RBPJ: variants seen among roughly 807,000 people sequenced by gnomAD.
The protein encoded by RBPJ is recombination signal binding protein for immunoglobulin kappa J region.
In RBPJ, 9 loss-of-function variants were observed where a neutral mutation model predicts 67.8. The observed-to-expected ratio is 0.13, with a 90% CI of 0.08 to 0.23. The LOEUF (loss-of-function observed/expected upper bound fraction) is 0.23, where lower values mean the gene tolerates loss of function less well. RBPJ is among the 10% of genes least tolerant of loss of function. The probability of loss-of-function intolerance (pLI) is 1.00; values close to 1 mark genes in which losing one functional copy is unlikely to be tolerated. For missense variants in RBPJ, 305 were observed against 595.6 expected, an observed-to-expected ratio of 0.51 and a Z score of 5.08; for synonymous variants, 198 against 203.3, an observed-to-expected ratio of 0.97 and a Z score of 0.22.
chr4:26,401,304 T>C (rs1267660590), intron 2 of RBPJ, among the ~76,000 whole-genome samples: 1 of 152,234 alleles, frequency 6.6e-6, no homozygotes, highest in Non-Finnish European at 1.5e-5. Context: ...CCCTAATCAC[T>C]AACGGTATGA....
At chr4:26,116,035 A>T in the RBPJ span, among the ~76,000 whole-genome samples, 1 of 152,242 alleles carries the variant, frequency 6.6e-6, no homozygotes, top group African/African-American at 2.4e-5. Flanking sequence ...AACCATACCA[A>T]AGTTAGCATT....
intron 1 of RBPJ, among the ~76,000 whole-genome samples, chr4:26,195,556 C>G (rs139627601): frequency 6.6e-6 from 1 of 152,152 alleles, no homozygotes; most frequent in East Asian, 1.9e-4. Context: ...AGGTCTATAT[C>G]GAACTTCGAA....
the RBPJ span, among the ~76,000 whole-genome samples, chr4:26,149,261 A>G: frequency 6.6e-6 from 1 of 152,222 alleles, no homozygotes; most frequent in African/African-American, 2.4e-5. Context: ...AATGTTGTGA[A>G]AAGTTTAGCA....
At chr4:26,217,956 G>A (rs2109186444) in intron 1 of RBPJ, among the ~76,000 whole-genome samples, 1 of 152,306 alleles carries the variant, frequency 6.6e-6, no homozygotes, top group South Asian at 2.1e-4. Flanking sequence ...GCGCTCAAAG[G>A]TTTTGGAAAG....
At chr4:26,244,277 G>A (rs1719791971) in intron 1 of RBPJ, among the ~76,000 whole-genome samples, 3 of 147,426 alleles carry the variant, frequency 2.0e-5, no homozygotes, top group Admixed American at 6.7e-5. Flanking sequence ...ACACATATAT[G>A]TGTGTATATG....
At chr4:26,419,556 A>C (rs1262261010) in intron 4 of RBPJ, among the ~76,000 whole-genome samples, 1 of 152,206 alleles carries the variant, frequency 6.6e-6, no homozygotes, top group Non-Finnish European at 1.5e-5. Context: ...TCTGCTTTTT[A>C]AAAGGAAGAT....
intron 1 of RBPJ, among the ~76,000 whole-genome samples, chr4:26,346,762 C>T (rs1290638761): frequency 1.3e-5 from 2 of 152,110 alleles, no homozygotes; most frequent in African/African-American, 2.4e-5. Flanking sequence ...AAGGCCGAGG[C>T]GGGTGGATCA....
intron 1 of RBPJ, among the ~76,000 whole-genome samples, chr4:26,246,067 A>C (rs1446281652): frequency 6.6e-6 from 1 of 152,160 alleles, no homozygotes; most frequent in Non-Finnish European, 1.5e-5. Context: ...TCCCACATGA[A>C]CTTTAGGATC....
At chr4:26,315,167 A>AATATATATAT (rs67496694), upstream of RBPJ, among the ~76,000 whole-genome samples, 15 of 74,738 alleles carry the variant, frequency 2.0e-4, no homozygotes, top group African/African-American at 7.4e-4. Flanking sequence ...AAAAAAAAAA[A>AATATATATAT]ATATATATAT....
chr4:26,111,350 C>T, the RBPJ span, among the ~76,000 whole-genome samples: 2 of 152,210 alleles, frequency 1.3e-5, no homozygotes, highest in Non-Finnish European at 2.9e-5. Context: ...ATGCTCCCTT[C>T]CCTATCTCTA....
At position 26,284,627 on chromosome 4, in the gene RBPJ, C is replaced by T. The variant is rs1308623582; in HGVS notation, c.-166-77819C>T. Among the ~76,000 whole-genome samples the T allele has an allele frequency of 5.3e-5, 8 of 152,080 alleles. No homozygotes were observed. In the South Asian group the frequency reaches 1.7e-3, roughly 32 times the overall value. ...GGGATCACAGGCATGTGCCACCACG[C>T]CTGGCTAATTTTTCTATTTTTGGTG... On this transcript the variant is annotated intron_variant, in intron 1 of 4. Transcript: ENST00000512351.
the RBPJ span, among the ~76,000 whole-genome samples, chr4:26,133,352 T>C: frequency 1.3e-5 from 2 of 152,174 alleles, no homozygotes; most frequent in Non-Finnish European, 1.5e-5. Context: ...GGCAGACAGA[T>C]TGCTTGAGCT....
At chr4:26,391,164 G>T (rs1355541318) in intron 2 of RBPJ, among the ~76,000 whole-genome samples, 1 of 152,078 alleles carries the variant, frequency 6.6e-6, no homozygotes, top group Non-Finnish European at 1.5e-5. Flanking sequence ...CAGTTGACAA[G>T]CTGTTTCTAA....
In RBPJ at chr4:26,431,630, T is replaced by C. The variant is rs1255914942; in HGVS notation, c.*623T>C. ...CTTTTTTCTTTTTTTTCAGCTGAAG[T>C]CTTATGACTTTTCATGAGTCAAAAT... On this transcript the variant is annotated 3_prime_UTR_variant, in exon 11 of 11. Transcript: ENST00000355476. 1 of 152,086 alleles carries C rather than the reference T, an allele frequency of 6.6e-6. No individual in the cohort carries two copies. Among genetic ancestry groups the C allele is most frequent in the East Asian group, 1.9e-4 (1 of 5,200 alleles). The allele number at this position is 152,086 out of a possible 1,614,324, so 9.4% of individuals were successfully genotyped here.
intron 1 of RBPJ, among the ~76,000 whole-genome samples, chr4:26,178,919 C>T (rs1716888610): frequency 1.3e-5 from 2 of 152,128 alleles, no homozygotes; most frequent in Admixed American, 6.6e-5. Context: ...TATAAGCCCA[C>T]GTTTTGGAGG....
At chr4:26,174,220 T>C (rs550369946) in intron 1 of RBPJ, among the ~76,000 whole-genome samples, 2 of 152,298 alleles carry the variant, frequency 1.3e-5, no homozygotes, top group South Asian at 4.1e-4. Flanking sequence ...TGACTTCCAC[T>C]TACTAGTGAG....
At chr4:26,362,601 C>G in intron 1 of RBPJ, 1 of 1,613,948 alleles carries the variant, frequency 6.2e-7, no homozygotes, top group South Asian at 1.1e-5. Flanking sequence ...TTAACATGTT[C>G]TTGAAGTACC....
chr4:26,400,590 T>G (rs995905287), intron 2 of RBPJ, among the ~76,000 whole-genome samples: 2 of 152,242 alleles, frequency 1.3e-5, no homozygotes, highest in African/African-American at 4.8e-5. Flanking sequence ...GATCAAGCTT[T>G]AATTGCCAGA....
rs143364497 is a variant in RBPJ, at chr4:26,175,420, A to G, written c.-167+11806A>G. ...CTGGGGGAGGCAGCAGGGAGAAGCCACAAAGAGGGAGCAGAGAAACAAAGA... is the reference window on the plus strand; with the variant it reads ...CTGGGGGAGGCAGCAGGGAGAAGCCGCAAAGAGGGAGCAGAGAAACAAAGA... On this transcript the variant is annotated intron_variant, in intron 1 of 4. Transcript: ENST00000512351. Among the ~76,000 whole-genome samples, 3 of 152,272 alleles carry G rather than the reference A, an allele frequency of 2.0e-5. No homozygotes were observed. In the East Asian group the frequency reaches 5.8e-4, roughly 29 times the overall value.
Sources: gnomAD v4.1 joint callset for allele counts (sites outside exome capture counted in the v4.1 genomes callset) on GRCh38, gnomAD v4.1.1 for gene constraint, MANE v1.5 for transcripts, NCBI Gene and HGNC (gene_info 2026-07-23, HGNC 2026-07-21) for gene names.